Variants in KCNG2 observed in about 807,000 individuals in gnomAD.
KCNG2 encodes the protein voltage-gated potassium channel regulatory subunit KCNG2.
In KCNG2, 7 loss-of-function variants were observed where a neutral mutation model predicts 12.3. The ratio of observed to expected loss-of-function variants is 0.57; its 90% confidence interval spans 0.32 to 1.07. The LOEUF is 1.07. KCNG2 is among the 50% of genes least tolerant of loss of function. KCNG2 has a pLI of 0.04. For missense variants in KCNG2, 703 were observed against 726.0 expected, an observed-to-expected ratio of 0.97 and a Z score of 0.36; for synonymous variants, 414 against 351.4, an observed-to-expected ratio of 1.18 and a Z score of -1.99.
chr18:79,882,811 GCGCGTGGAGCGCGGAGGCCGGGTACA>G (rs1980358381), intron 3 of KCNG2, among the ~76,000 whole-genome samples: 2 of 150,674 alleles, frequency 1.3e-5, no homozygotes, highest in Non-Finnish European at 3.0e-5. Flanking sequence ...GGGTACACCT[GCGCGTGGAGCGCGGAGGCCGGGTACA>G]CCTGCGCGTG....
Position 79,803,493 on chromosome 18 carries a change from C to T in KCNG2, c.-115+5479C>T, listed in dbSNP as rs187975817. On this transcript the variant is annotated intron_variant, in intron 1 of 3. Coordinates refer to ENST00000316249, the MANE Select transcript of KCNG2 (RefSeq NM_012283.2). This position sits in a 1 kb window ranked among gnomAD's most constrained non-coding sequence, Gnocchi z 4.5. ...TCTTTAATACTTGCCAAATTAGAAA[C>T]GGAAACATTCTAGGGTGAAGAAAAC... 1.9e-3 allele frequency among the ~76,000 whole-genome samples: 286 copies of T among 152,262 alleles called. 1 individual carries two copies. Among genetic ancestry groups the T allele is most frequent in the Middle Eastern group, 3.4e-3 (1 of 294 alleles).
chr18:79,893,585 G>T (rs139382228), intron 3 of KCNG2, among the ~76,000 whole-genome samples: 20 of 151,542 alleles, frequency 1.3e-4, no homozygotes, highest in Admixed American at 3.9e-4. Context: ...GTTGTTCACT[G>T]CATTCACATG....
intron 3 of KCNG2, among the ~76,000 whole-genome samples, chr18:79,877,258 G>A (rs1318092413): frequency 6.6e-6 from 1 of 152,144 alleles, no homozygotes; most frequent in Non-Finnish European, 1.5e-5. Flanking sequence ...GGGAGCGAAG[G>A]GTTAAAGTCT....
intron 1 of KCNG2, among the ~76,000 whole-genome samples, chr18:79,854,652 A>G (rs754172561): frequency 7.9e-5 from 12 of 151,346 alleles, no homozygotes; most frequent in Non-Finnish European, 1.8e-4. Context: ...CAGCCTCCCG[A>G]GTAGCTGGGA....
chr18:79,819,548 G>A (rs1231982357), intron 1 of KCNG2, among the ~76,000 whole-genome samples: 2 of 152,348 alleles, frequency 1.3e-5, no homozygotes, highest in East Asian at 3.9e-4. Flanking sequence ...TGTCACCCAT[G>A]GACAATGTTC....
At chr18:79,798,250 C>A (rs1054541971) in intron 1 of KCNG2, among the ~76,000 whole-genome samples, 2 of 151,886 alleles carry the variant, frequency 1.3e-5, no homozygotes, top group African/African-American at 2.4e-5. Context: ...GTGCCTCCCC[C>A]TCCCGCTCAG....
chr18:79,846,745 G>A (rs1016875511), intron 1 of KCNG2, among the ~76,000 whole-genome samples: 5 of 152,212 alleles, frequency 3.3e-5, no homozygotes, highest in East Asian at 1.9e-4. Context: ...AGCTGCAGTC[G>A]TATGCTCACT....
At chr18:79,834,979 C>A (rs1978315828) in intron 1 of KCNG2, among the ~76,000 whole-genome samples, 1 of 152,210 alleles carries the variant, frequency 6.6e-6, no homozygotes, top group African/African-American at 2.4e-5. Context: ...TCTGTGCCAC[C>A]CACACCCATG....
chr18:79,880,791 G>A (rs1168719223), intron 3 of KCNG2, among the ~76,000 whole-genome samples: 7 of 152,122 alleles, frequency 4.6e-5, no homozygotes, highest in Admixed American at 3.9e-4. Flanking sequence ...AGCTTGGTTC[G>A]ATACTCAAAA....
At chr18:79,870,001 A>T (rs1283203892) in intron 3 of KCNG2, among the ~76,000 whole-genome samples, 1 of 152,152 alleles carries the variant, frequency 6.6e-6, no homozygotes, top group African/African-American at 2.4e-5. Flanking sequence ...CAGCTGGTGG[A>T]GGCTCAGCCA....
intron 1 of KCNG2, among the ~76,000 whole-genome samples, chr18:79,828,326 A>G (rs565432923): frequency 6.6e-6 from 1 of 152,306 alleles, no homozygotes; most frequent in African/African-American, 2.4e-5. Context: ...GCGTCATTGC[A>G]TGTCTGCCTG....
At chr18:79,852,914 G>A (rs577986852) in intron 1 of KCNG2, among the ~76,000 whole-genome samples, 1 of 152,388 alleles carries the variant, frequency 6.6e-6, no homozygotes, top group South Asian at 2.1e-4. Flanking sequence ...TACCTTAGCA[G>A]AGTCTTTGTC....
chr18:79,887,095 CCATAGGGA>C (rs1290384683), intron 3 of KCNG2, among the ~76,000 whole-genome samples: 11 of 142,892 alleles, frequency 7.7e-5, no homozygotes, highest in African/African-American at 3.1e-4. Context: ...GGACATAGGG[CCATAGGGA>C]CAGGGACATG....
chr18:79,843,785 C>T (rs1239548374), intron 1 of KCNG2, among the ~76,000 whole-genome samples: 4 of 152,034 alleles, frequency 2.6e-5, no homozygotes, highest in Non-Finnish European at 4.4e-5. Flanking sequence ...ATTATCGCAT[C>T]ACAAAGAAGA....
chr18:79,818,333 G>A (rs2087545546), intron 1 of KCNG2, among the ~76,000 whole-genome samples: 1 of 152,244 alleles, frequency 6.6e-6, no homozygotes, highest in Non-Finnish European at 1.5e-5. Flanking sequence ...GGGGCGTGGA[G>A]GCTGGAGGCC....
intron 1 of KCNG2, among the ~76,000 whole-genome samples, chr18:79,827,927 C>CTTTTTTTT (rs55913813): frequency 7.1e-6 from 1 of 141,116 alleles, no homozygotes; most frequent in East Asian, 2.1e-4. Context: ...TTCTTTCTTT[C>CTTTTTTTT]TTTTTTTTTT....
In KCNG2 at chr18:79,899,048, C is replaced by A; in HGVS notation, c.633C>A (p.Cys211Ter). The A allele has an allele frequency of 1.3e-6, 2 of 1,562,852 alleles. No homozygotes were observed. The highest frequency in any genetic ancestry group is 1.2e-5 in the South Asian group (1 of 85,428). The change falls in exon 4 of 4, where the codon TGC becomes TGA. Residue 211 changes from cysteine (C) to a stop codon, truncating the protein, a stop_gained. Transcript: ENST00000316249. LOFTEE classifies it low-confidence loss of function (END_TRUNC). The part of the protein sequence containing the change: ...DIRAEEERGE[C>*]SPKCRSLFVL... ...GTCCCCTCTCCCCGCAGGGCGAGTG[C>A]TCCCCCAAGTGCCGCAGCCTGTTCG...
chr18:79,826,145 G>A (rs1181147154), intron 1 of KCNG2, among the ~76,000 whole-genome samples: 1 of 152,278 alleles, frequency 6.6e-6, no homozygotes, highest in Non-Finnish European at 1.5e-5. Context: ...GAGCTCTGTG[G>A]CCGTTGGCAA....
chr18:79,899,554 T>A lies in KCNG2; in HGVS notation c.1139T>A (p.Leu380Gln), dbSNP rs538997842. The change falls in exon 4 of 4, where the codon CTG becomes CAG. Residue 380 changes from leucine to glutamine, a missense_variant. Physicochemically the swap from Leu to Gln is moderately radical, Grantham distance 113. Transcript: ENST00000316249. ...TACGGCGACATGGTCCCGCGCAGCC[T>A]GCCCGGGCAGGTGGTGGCGCTCAGC... ...VGYGDMVPRSLPGQVVALSSI... is the reference protein window; with the variant it reads ...VGYGDMVPRSQPGQVVALSSI... 1 of 1,602,320 alleles carries A rather than the reference T, an allele frequency of 6.2e-7. No individual in the cohort carries two copies. The highest frequency in any genetic ancestry group is 2.3e-5 in the East Asian group (1 of 44,056).
Sources: allele counts gnomAD v4.1 joint callset (sites outside exome capture counted in the v4.1 genomes callset), GRCh38; gene constraint gnomAD v4.1.1; non-coding constraint Gnocchi (gnomAD v3.1); transcripts MANE v1.5; gene names NCBI Gene and HGNC (gene_info 2026-07-23, HGNC 2026-07-21).